OCA2: variants seen among roughly 807,000 people sequenced by gnomAD.
OCA2 encodes the protein P protein.
In OCA2, 77 loss-of-function variants were observed where a neutral mutation model predicts 100.2. The observed-to-expected ratio is 0.77, with a 90% CI of 0.64 to 0.93. The LOEUF is 0.93. Among genes scored for constraint, OCA2 ranks in the 40% least tolerant of loss-of-function variants. The pLI is 0.00. For missense variants in OCA2, 1,062 were observed against 1,089.1 expected, an observed-to-expected ratio of 0.98 and a Z score of 0.35; for synonymous variants, 432 against 439.2, an observed-to-expected ratio of 0.98 and a Z score of 0.21.
intron 7 of OCA2, among the ~76,000 whole-genome samples, chr15:28,017,457 G>A (rs1260036954): frequency 1.3e-5 from 2 of 152,152 alleles, no homozygotes; most frequent in Non-Finnish European, 2.9e-5. Context: ...CAGGTCAGAG[G>A]GCAAAGGTCA....
At chr15:28,053,860 C>G (rs530660228) in intron 2 of OCA2, among the ~76,000 whole-genome samples, 3 of 152,342 alleles carry the variant, frequency 2.0e-5, no homozygotes, top group African/African-American at 7.2e-5. Flanking sequence ...TGGTAGCCCA[C>G]TGAGCTCAGG....
At chr15:27,860,018 A>G (rs1342473139) in intron 21 of OCA2, among the ~76,000 whole-genome samples, 1 of 152,244 alleles carries the variant, frequency 6.6e-6, no homozygotes, top group East Asian at 1.9e-4. Context: ...AGCACTTTAA[A>G]CTGTATGAAT....
intron 18 of OCA2, among the ~76,000 whole-genome samples, chr15:27,946,225 C>A (rs945498733): frequency 6.6e-6 from 1 of 152,112 alleles, no homozygotes; most frequent in African/African-American, 2.4e-5. Context: ...GAAAGCAATA[C>A]CCCAAAATGA....
intron 18 of OCA2, among the ~76,000 whole-genome samples, chr15:27,944,476 T>G (rs1447119172): frequency 1.3e-5 from 2 of 152,178 alleles, no homozygotes; most frequent in Non-Finnish European, 2.9e-5. Flanking sequence ...TGCCAGCCAT[T>G]ATTCTGGAGG....
chr15:27,918,089 ATTTTTTTTTTTTT>A (rs34943192), intron 19 of OCA2, among the ~76,000 whole-genome samples: 1 of 103,176 alleles, frequency 9.7e-6, no homozygotes. Flanking sequence ...CTCCCTCTTG[ATTTTTTTTTTTTT>A]TTTTTTTTTG....
At chr15:28,003,654 G>A (rs2041997496) in intron 9 of OCA2, among the ~76,000 whole-genome samples, 1 of 151,650 alleles carries the variant, frequency 6.6e-6, no homozygotes. Flanking sequence ...AGGGCAGTGT[G>A]CCCCCCGAAC....
At chr15:27,921,093 A>G (rs1900754) in intron 19 of OCA2, among the ~76,000 whole-genome samples, 88,510 of 151,832 alleles carry the variant, frequency 0.58, 27,050 homozygotes, top group East Asian at 0.96. Flanking sequence ...TAAAGATCTT[A>G]AAAGTTAAAA....
chr15:27,758,343 G>A (rs191219622), intron 23 of OCA2, among the ~76,000 whole-genome samples: 10 of 152,196 alleles, frequency 6.6e-5, no homozygotes, highest in African/African-American at 2.4e-4. Flanking sequence ...CAAATTCCAC[G>A]GGAAAAAAAA....
rs541528354 is a variant in OCA2, at chr15:27,757,241, G to T, written c.2433-1769C>A. 1.3e-5 allele frequency among the ~76,000 whole-genome samples: 2 copies of T among 152,342 alleles called. 1 individual carries two copies. The highest frequency in any genetic ancestry group is 4.1e-4 in the South Asian group (2 of 4,830). ...TGTGATTAAGAGTGATTAAGAGTGT[G>T]TACTCCTAATCACTACATATGCTGC... On this transcript the variant is annotated intron_variant, in intron 23 of 23. Coordinates refer to ENST00000354638, the MANE Select transcript of OCA2 (RefSeq NM_000275.3).
At chr15:27,950,091 T>C (rs570396449) in intron 18 of OCA2, among the ~76,000 whole-genome samples, 40 of 152,362 alleles carry the variant, frequency 2.6e-4, no homozygotes, top group African/African-American at 9.1e-4. Context: ...TAAGTCCATA[T>C]AGTTAAAGAT....
intron 19 of OCA2, among the ~76,000 whole-genome samples, chr15:27,894,430 C>T (rs757259122): frequency 5.3e-5 from 8 of 152,094 alleles, no homozygotes; most frequent in Admixed American, 4.6e-4. Flanking sequence ...TCTCTCTGGA[C>T]GAGTGGAAAT....
At chr15:28,098,479 C>T (rs191875206) in intron 1 of OCA2, among the ~76,000 whole-genome samples, 11 of 152,354 alleles carry the variant, frequency 7.2e-5, no homozygotes, top group African/African-American at 2.4e-4. Flanking sequence ...CTAACAGCCT[C>T]GGGTTTCTTT....
chr15:27,825,875 A>G (rs770725843), intron 23 of OCA2, among the ~76,000 whole-genome samples: 1 of 152,238 alleles, frequency 6.6e-6, no homozygotes, highest in Non-Finnish European at 1.5e-5. Flanking sequence ...ATAATGAGGA[A>G]CCATTTCTAC....
In OCA2 at chr15:27,998,940, A is replaced by G. The variant is rs765144003; in HGVS notation, c.1045-8293T>C. 3.1e-4 allele frequency among the ~76,000 whole-genome samples: 47 copies of G among 151,708 alleles called. 1 individual carries two copies. Among genetic ancestry groups the G allele is most frequent in the Non-Finnish European group, 6.8e-4 (46 of 67,992 alleles). ...TGGAAATCATCATTCTCAGTAAACT[A>G]TCGCAAGGACAAAAAACCAAACACC... On this transcript the variant is annotated intron_variant, in intron 9 of 23. Coordinates refer to ENST00000354638, the MANE Select transcript of OCA2 (RefSeq NM_000275.3).
intron 23 of OCA2, among the ~76,000 whole-genome samples, chr15:27,793,193 T>G (rs911422255): frequency 3.3e-5 from 5 of 152,200 alleles, no homozygotes; most frequent in African/African-American, 1.2e-4. Flanking sequence ...TATTACAGGA[T>G]GCTTTTTCCA....
chr15:28,068,692 G>A (rs1437280064), intron 2 of OCA2, among the ~76,000 whole-genome samples: 15 of 152,128 alleles, frequency 9.9e-5, no homozygotes, highest in African/African-American at 1.9e-4. Context: ...AGAAGTCCTC[G>A]ACAAAATACT....
At chr15:27,949,135 C>T (rs1595701694) in intron 18 of OCA2, among the ~76,000 whole-genome samples, 1 of 152,122 alleles carries the variant, frequency 6.6e-6, no homozygotes, top group Non-Finnish European at 1.5e-5. Flanking sequence ...GGTTAGGATT[C>T]CTAAATGAAG....
the OCA2 span, among the ~76,000 whole-genome samples, chr15:27,746,628 C>A: frequency 6.6e-6 from 1 of 152,220 alleles, no homozygotes; most frequent in African/African-American, 2.4e-5. Context: ...TTAACCATCC[C>A]TGTAAAATTC....
chr15:27,775,318 C>T (rs2151064817), intron 23 of OCA2, among the ~76,000 whole-genome samples: 1 of 152,316 alleles, frequency 6.6e-6, no homozygotes, highest in Non-Finnish European at 1.5e-5. Flanking sequence ...CTCTTCCCCT[C>T]TAACTGCAGG....
Sources: allele counts gnomAD v4.1 joint callset (sites outside exome capture counted in the v4.1 genomes callset), GRCh38; gene constraint gnomAD v4.1.1; transcripts MANE v1.5; gene names NCBI Gene and HGNC (gene_info 2026-07-23, HGNC 2026-07-21).